Variants in PHACTR2 observed in about 807,000 individuals in gnomAD.
The protein encoded by PHACTR2 is phosphatase and actin regulator 2, also known as chromosome 6 open reading frame 56.
A neutral mutation model predicts 76.0 loss-of-function variants in PHACTR2; 30 were observed. That is an observed-to-expected ratio of 0.39 (90% CI 0.30 to 0.54). PHACTR2 has a LOEUF of 0.54. PHACTR2 is among the 20% of genes least tolerant of loss of function. The probability of loss-of-function intolerance (pLI) is 0.61; values close to 1 mark genes in which losing one functional copy is unlikely to be tolerated. For missense variants in PHACTR2, 696 were observed against 781.1 expected (o/e 0.89, Z 1.30); for synonymous variants, 292 against 292.5 (o/e 1.00, Z 0.02).
intron 9 of PHACTR2, among the ~76,000 whole-genome samples, chr6:143,779,940 TTA>T (rs1376541068): frequency 1.4e-5 from 2 of 147,638 alleles, no homozygotes; most frequent in Non-Finnish European, 3.0e-5. Flanking sequence ...TTATATTATA[TTA>T]TATTATATTT....
At position 143,679,237 on chromosome 6, in the gene PHACTR2, T is replaced by C. The variant is rs1056234738; in HGVS notation, c.46+1028T>C. ...CCACCCCACTTTATACCCAGTGGGT[T>C]TCTTTAGGTAGCACAGCTTCACTCC... On this transcript the variant is annotated intron_variant, in intron 1 of 12. Transcript: ENST00000440869. The surrounding 1 kb of genome is among the most constrained non-coding windows in gnomAD (Gnocchi z 4.6). Among the ~76,000 whole-genome samples, 2 of 152,188 alleles carry C rather than the reference T, an allele frequency of 1.3e-5. No individual in the cohort carries two copies. Among genetic ancestry groups the C allele is most frequent in the Non-Finnish European group, 2.9e-5 (2 of 68,028 alleles).
At chr6:143,681,381 G>GC (rs1365315714) in intron 1 of PHACTR2, among the ~76,000 whole-genome samples, 3 of 151,710 alleles carry the variant, frequency 2.0e-5, no homozygotes, top group Admixed American at 1.3e-4. Flanking sequence ...TGTGCTATTG[G>GC]CCATTTGTAT....
intron 1 of PHACTR2, among the ~76,000 whole-genome samples, chr6:143,567,854 G>A (rs1212722709): frequency 6.6e-6 from 1 of 152,204 alleles, no homozygotes; most frequent in Non-Finnish European, 1.5e-5. Flanking sequence ...TATGCTCTGA[G>A]ATTTGGGAGA....
In PHACTR2 at chr6:143,710,027, T is replaced by C. The variant is rs1778138495; in HGVS notation, c.47-1989T>C. On this transcript the variant is annotated intron_variant, in intron 1 of 12. Transcript: ENST00000440869. This position sits in a 1 kb window ranked among gnomAD's most constrained non-coding sequence, Gnocchi z 4.9. The stretch of plus-strand genomic sequence containing the variant: ...TCCATTCAGCCTTTGCTGGCATGCA[T>C]GGTCACAGGTTCTTCTATGGTGCTC... 6.6e-6 allele frequency among the ~76,000 whole-genome samples: 1 copy of C among 152,172 alleles called. No individual in the cohort carries two copies. Among genetic ancestry groups the C allele is most frequent in the Admixed American group, 6.5e-5 (1 of 15,274 alleles).
intron 6 of PHACTR2, among the ~76,000 whole-genome samples, chr6:143,768,517 G>A (rs1052925094): frequency 2.0e-5 from 3 of 152,164 alleles, no homozygotes; most frequent in Admixed American, 6.5e-5. Flanking sequence ...CATGTAAAGT[G>A]TTTCCTGATA....
chr6:143,612,026 T>C (rs1328777332), intron 1 of PHACTR2, among the ~76,000 whole-genome samples: 1 of 152,196 alleles, frequency 6.6e-6, no homozygotes, highest in Non-Finnish European at 1.5e-5. Flanking sequence ...GACAGTGAGT[T>C]CCATTTTGAC....
upstream of PHACTR2, among the ~76,000 whole-genome samples, chr6:143,676,986 A>T (rs1777261017): frequency 6.8e-6 from 1 of 146,882 alleles, no homozygotes; most frequent in Non-Finnish European, 1.5e-5. This position sits in a 1 kb window ranked among gnomAD's most constrained non-coding sequence, Gnocchi z 4.8. Context: ...TTTTCATGTT[A>T]GTTCAGAGTT....
rs756827192 is a variant in PHACTR2 at position 143,777,381 on chromosome 6, A to G, written c.1643A>G (p.Lys548Arg). ...TEELEQRNIL[K>R]QKNEEEEQEA... ...GAATTAGAGCAAAGAAACATCCTAA[A>G]ACGTGAGTATTCTATACTATAGAAT... The change falls in exon 9 of 13, where the codon AAA becomes AGA. Residue 548 changes from lysine (K) to arginine (R), a missense_variant and splice_region_variant. Around this residue, in one of 2 missense-constraint regions of PHACTR2, gnomAD observed 236 missense variants for 330.2 expected, o/e 0.71. Transcript: ENST00000440869. This position sits in a 1 kb window ranked among gnomAD's most constrained non-coding sequence, Gnocchi z 4.6. The G allele has an allele frequency of 1.9e-6, 3 of 1,566,258 alleles. No individual in the cohort carries two copies. The South Asian group carries it at 3.3e-5, about 17-fold the overall frequency.
chr6:143,741,281 G>GGCAGGAGAATGAGT (rs1562289648), intron 2 of PHACTR2, among the ~76,000 whole-genome samples: 1 of 149,268 alleles, frequency 6.7e-6, no homozygotes, highest in African/African-American at 2.5e-5. Flanking sequence ...GAAGGCTGAG[G>GGCAGGAGAATGAGT]CAGGAGTTCA....
At position 143,755,414 on chromosome 6, in the gene PHACTR2, G is replaced by A. The variant is rs571002859; in HGVS notation, c.454+1502G>A. ...CCATCTCTGGTGCCTGGTCCGTGCA[G>A]GGTATTCGTCACTGGACTGGCCAGA... On this transcript the variant is annotated intron_variant, in intron 4 of 12. Coordinates refer to ENST00000440869, the MANE Select transcript of PHACTR2 (RefSeq NM_001100164.2). The surrounding 1 kb of genome is among the most constrained non-coding windows in gnomAD (Gnocchi z 5.2). 1.2e-4 allele frequency: 54 copies of A among 455,700 alleles called. No individual in the cohort carries two copies. The highest frequency in any genetic ancestry group is 9.9e-4 in the Admixed American group (42 of 42,550). 28.2% of individuals were successfully genotyped at this position (455,700 alleles called of 1,614,324 possible).
chr6:143,635,951 T>C (rs1392578161), intron 1 of PHACTR2, among the ~76,000 whole-genome samples: 2 of 152,210 alleles, frequency 1.3e-5, no homozygotes, highest in East Asian at 3.8e-4. Context: ...CTCATGCCTG[T>C]AATTCCAGCA....
Position 143,672,441 on chromosome 6 carries a change from A to G in PHACTR2, c.14-39575A>G, listed in dbSNP as rs1777170091. On this transcript the variant is annotated intron_variant, in intron 1 of 11. Coordinates refer to the PHACTR2 transcript ENST00000305766. The surrounding 1 kb of genome is among the most constrained non-coding windows in gnomAD (Gnocchi z 5.8). ...ATACCACTGCACTCCAGCCTGGGCC[A>G]CAGAGCAAGACGCTGTCTCAAAAAC... Among the ~76,000 whole-genome samples the G allele has an allele frequency of 1.3e-5, 2 of 152,138 alleles. No individual in the cohort carries two copies. Among genetic ancestry groups the G allele is most frequent in the Non-Finnish European group, 2.9e-5 (2 of 68,022 alleles).
At chr6:143,668,216 G>A (rs968623811) in intron 1 of PHACTR2, among the ~76,000 whole-genome samples, 2 of 152,160 alleles carry the variant, frequency 1.3e-5, no homozygotes, top group Admixed American at 6.5e-5. Flanking sequence ...TGCATCCCAC[G>A]GATGCAGCCG....
Position 143,546,985 on chromosome 6 carries a change from T to C in PHACTR2, c.217+9778T>C, listed in dbSNP as rs1167108188. 1.3e-5 allele frequency among the ~76,000 whole-genome samples: 2 copies of C among 152,016 alleles called. No individual in the cohort carries two copies. The highest frequency in any genetic ancestry group is 4.8e-5 in the African/African-American group (2 of 41,370). ...CCAGCAGTTCGATGCTGCAGTGAGC[T>C]GTGATTGTGGCACTGCACTCCAGCC... On this transcript the variant is annotated intron_variant, in intron 1 of 11. Transcript: ENST00000367584. This position sits in a 1 kb window ranked among gnomAD's most constrained non-coding sequence, Gnocchi z 4.9.
intron 1 of PHACTR2, among the ~76,000 whole-genome samples, chr6:143,638,599 A>ACACCCC (rs142885315): frequency 2.0e-5 from 3 of 149,832 alleles, no homozygotes. Context: ...ACACACACAC[A>ACACCCC]CCCAGCTATC....
intron 2 of PHACTR2, among the ~76,000 whole-genome samples, chr6:143,723,210 CTT>C (rs1368131733): frequency 1.3e-5 from 2 of 152,194 alleles, no homozygotes; most frequent in African/African-American, 4.8e-5. Flanking sequence ...TTTATCCACT[CTT>C]TTCATATGTC....
In PHACTR2 at chr6:143,827,956, A is replaced by C. The variant is rs770650650; in HGVS notation, c.*4267A>C. The C allele has an allele frequency of 7.2e-5, 11 of 152,076 alleles. No homozygotes were observed. Among genetic ancestry groups the C allele is most frequent in the Non-Finnish European group, 1.5e-4 (10 of 68,044 alleles). The allele number at this position is 152,076 out of a possible 1,614,324, so 9.4% of individuals were successfully genotyped here. On this transcript the variant is annotated 3_prime_UTR_variant, in exon 13 of 13. Coordinates refer to ENST00000440869, the MANE Select transcript of PHACTR2 (RefSeq NM_001100164.2). ...TCAGGAGTTCGAGACCAGCCTGGCC[A>C]ACATGGTGAAACCCTGTCTCTACTG...
Position 143,662,606 on chromosome 6 carries a change from C to T in PHACTR2, c.14-49410C>T, listed in dbSNP as rs1776964344. Among the ~76,000 whole-genome samples, 1 of 152,144 alleles carries T rather than the reference C, an allele frequency of 6.6e-6. No homozygotes were observed. Among genetic ancestry groups the T allele is most frequent in the African/African-American group, 2.4e-5 (1 of 41,424 alleles). ...ACTAAAAATGCATCTGTATTTTTCCCTGAATGCAAAACAGTAATATTTAAA... is the reference window on the plus strand; with the variant it reads ...ACTAAAAATGCATCTGTATTTTTCCTTGAATGCAAAACAGTAATATTTAAA... On this transcript the variant is annotated intron_variant, in intron 1 of 11. Transcript: ENST00000305766. The surrounding 1 kb of genome is among the most constrained non-coding windows in gnomAD (Gnocchi z 4.7).
intron 6 of PHACTR2, among the ~76,000 whole-genome samples, chr6:143,768,009 T>C (rs148577918): frequency 6.6e-6 from 1 of 151,984 alleles, no homozygotes; most frequent in Non-Finnish European, 1.5e-5. Flanking sequence ...GGCTAATTTT[T>C]GTATTTTTAG....
Sources: gnomAD v4.1 joint callset for allele counts (sites outside exome capture counted in the v4.1 genomes callset) on GRCh38, gnomAD v4.1.1 for gene constraint, gnomAD v4.1.1 regional missense constraint, Gnocchi (gnomAD v3.1) non-coding constraint, MANE v1.5 for transcripts, NCBI Gene and HGNC (gene_info 2026-07-23, HGNC 2026-07-21) for gene names.